The following TACR3 variants were observed in gnomAD, a reference collection of about 807,000 sequenced individuals.
TACR3 encodes the protein neuromedin-K receptor.
TACR3 carries 34 observed loss-of-function variants against 35.0 expected under a neutral mutation model. That is an observed-to-expected ratio of 0.97 (90% CI 0.74 to 1.30). The LOEUF is 1.30. Among genes scored for constraint, TACR3 ranks in the 50% most tolerant of loss-of-function variants. The probability of loss-of-function intolerance (pLI) is 0.00; values close to 1 mark genes in which losing one functional copy is unlikely to be tolerated. For missense variants in TACR3, 558 were observed against 591.7 expected, an observed-to-expected ratio of 0.94 and a Z score of 0.59; for synonymous variants, 233 against 221.1, an observed-to-expected ratio of 1.05 and a Z score of -0.48.
intron 3 of TACR3, among the ~76,000 whole-genome samples, chr4:103,652,935 T>G (rs762785183): frequency 6.6e-5 from 10 of 152,186 alleles, no homozygotes; most frequent in Admixed American, 2.0e-4. Flanking sequence ...CAGAACAATA[T>G]TTTGACTTTA....
chr4:103,652,758 C>CT (rs1365432117), intron 3 of TACR3, among the ~76,000 whole-genome samples: 1 of 151,586 alleles, frequency 6.6e-6, no homozygotes, highest in Non-Finnish European at 1.5e-5. Context: ...GTAGCCAATA[C>CT]TTTTTTTTAA....
intron 1 of TACR3, among the ~76,000 whole-genome samples, chr4:103,664,846 C>G (rs78335518): frequency 6.6e-6 from 1 of 152,052 alleles, no homozygotes; most frequent in Non-Finnish European, 1.5e-5. Flanking sequence ...GCCTCTTGCT[C>G]TGTTGCCAAG....
intron 1 of TACR3, among the ~76,000 whole-genome samples, chr4:103,697,508 T>G (rs1722548975): frequency 6.6e-6 from 1 of 152,036 alleles, no homozygotes. Flanking sequence ...CACTGCAAGC[T>G]TCGCCTCCCG....
At chr4:103,711,854 A>G (rs1161590891) in intron 1 of TACR3, among the ~76,000 whole-genome samples, 1 of 152,168 alleles carries the variant, frequency 6.6e-6, no homozygotes, top group Non-Finnish European at 1.5e-5. Flanking sequence ...CCAATAACAG[A>G]CAAACAGAGA....
rs201531776 is a variant in TACR3, at chr4:103,719,526, G to A, written c.150C>T (p.Asn50=). ...CCAGCGCGGAAGGGGAGGAGGAGAG[G>A]TTGCCAGCTTGGTCCAGCAGTTGCA... The part of the protein sequence containing the change: ...GWLQLLDQAG[N]LSSSPSALGL... The change falls in exon 1 of 5, where the codon AAC becomes AAT. Residue 50 remains asparagine (N), a synonymous_variant. Coordinates refer to ENST00000304883, the MANE Select transcript of TACR3 (RefSeq NM_001059.3). 5.0e-6 allele frequency: 8 copies of A among 1,608,834 alleles called. No individual in the cohort carries two copies. The South Asian group carries it at 6.6e-5, about 13-fold the overall frequency.
At chr4:103,690,525 A>T (rs56395997) in intron 1 of TACR3, among the ~76,000 whole-genome samples, 23,044 of 151,996 alleles carry the variant, frequency 0.15, 2,270 homozygotes, top group East Asian at 0.43. Context: ...AGGGAAATAG[A>T]CAATTCAATA....
intron 1 of TACR3, among the ~76,000 whole-genome samples, chr4:103,677,783 C>T (rs185572359): frequency 7.2e-5 from 11 of 152,004 alleles, no homozygotes; most frequent in Admixed American, 2.0e-4. Flanking sequence ...GGTGATGAAA[C>T]GATCTGTTTG....
intron 1 of TACR3, among the ~76,000 whole-genome samples, chr4:103,707,816 T>C (rs940826039): frequency 1.3e-5 from 2 of 152,170 alleles, no homozygotes; most frequent in African/African-American, 4.8e-5. Flanking sequence ...TACTGCACTT[T>C]TCCAATAGTC....
At chr4:103,628,467 A>G (rs1298774294) in intron 3 of TACR3, among the ~76,000 whole-genome samples, 1 of 152,238 alleles carries the variant, frequency 6.6e-6, no homozygotes, top group Non-Finnish European at 1.5e-5. Flanking sequence ...TAAAGGGGAT[A>G]TCACCACTGA....
At chr4:103,639,071 C>T (rs1275723898) in intron 3 of TACR3, among the ~76,000 whole-genome samples, 1 of 152,018 alleles carries the variant, frequency 6.6e-6, no homozygotes, top group Non-Finnish European at 1.5e-5. Flanking sequence ...ACCATTTGAC[C>T]CAGCCATCCC....
intron 4 of TACR3, among the ~76,000 whole-genome samples, chr4:103,590,552 G>T (rs758325173): frequency 1.3e-5 from 2 of 151,420 alleles, no homozygotes; most frequent in Non-Finnish European, 2.9e-5. Flanking sequence ...TGTAATGCTT[G>T]TGGGGTGTCA....
chr4:103,591,420 C>A (rs1723890452), intron 4 of TACR3, 67 bp downstream of exon 4: 1 of 1,577,714 alleles, frequency 6.3e-7, no homozygotes, highest in Non-Finnish European at 8.7e-7. Context: ...GAAAATGGAA[C>A]AACATTGTAT....
chr4:103,599,603 G>T (rs1358706691), intron 3 of TACR3, among the ~76,000 whole-genome samples: 1 of 152,084 alleles, frequency 6.6e-6, no homozygotes, highest in African/African-American at 2.4e-5. Flanking sequence ...GTCATAGATA[G>T]CTCTTATTAT....
intron 3 of TACR3, among the ~76,000 whole-genome samples, chr4:103,632,549 G>T (rs747741066): frequency 4.3e-4 from 65 of 151,294 alleles, no homozygotes; most frequent in Non-Finnish European, 8.1e-4. Context: ...TGGGTGGGGG[G>T]TGAGGGGAGG....
intron 3 of TACR3, among the ~76,000 whole-genome samples, chr4:103,642,943 A>G (rs1310995347): frequency 6.6e-6 from 1 of 151,872 alleles, no homozygotes; most frequent in Non-Finnish European, 1.5e-5. Context: ...AATATGTACA[A>G]TAATTATGTA....
At chr4:103,685,185 A>T (rs1722202108) in intron 1 of TACR3, among the ~76,000 whole-genome samples, 1 of 151,998 alleles carries the variant, frequency 6.6e-6, no homozygotes. Context: ...ATGAAACAGG[A>T]TTTGGAGTCT....
At chr4:103,676,487 C>A (rs1010879789) in intron 1 of TACR3, among the ~76,000 whole-genome samples, 1 of 152,052 alleles carries the variant, frequency 6.6e-6, no homozygotes, top group Non-Finnish European at 1.5e-5. Context: ...GCTATAGAGA[C>A]AAGATGCAGA....
At chr4:103,693,144 TATC>T (rs1288999730) in intron 1 of TACR3, among the ~76,000 whole-genome samples, 3 of 152,180 alleles carry the variant, frequency 2.0e-5, no homozygotes, top group Admixed American at 1.3e-4. Context: ...GCATACATTA[TATC>T]ATTATGGTTT....
chr4:103,650,689 TAATA>T (rs1725582037), intron 3 of TACR3, among the ~76,000 whole-genome samples: 1 of 7,884 alleles, frequency 1.3e-4, no homozygotes, highest in South Asian at 1.9e-3. Context: ...ATATCATATA[TAATA>T]TATATTTATA....
Sources: gnomAD v4.1 joint callset for allele counts (sites outside exome capture counted in the v4.1 genomes callset) on GRCh38, gnomAD v4.1.1 for gene constraint, MANE v1.5 for transcripts, NCBI Gene and HGNC (gene_info 2026-07-23, HGNC 2026-07-21) for gene names.